The following BMPR1B variants were observed in gnomAD, a reference collection of about 807,000 sequenced individuals.
BMPR1B encodes the protein bone morphogenetic protein receptor type 1B, also known as bone morphogenetic protein receptor type-1B.
Under a neutral mutation model 59.1 loss-of-function variants are expected in BMPR1B, and 12 were observed. The ratio of observed to expected loss-of-function variants is 0.20; its 90% CI spans 0.13 to 0.33. BMPR1B has a LOEUF of 0.33. BMPR1B is among the 10% of genes least tolerant of loss of function. The probability of loss-of-function intolerance (pLI) is 1.00; values close to 1 mark genes in which losing one functional copy is unlikely to be tolerated. For missense variants in BMPR1B, 550 were observed against 610.9 expected (o/e 0.90, Z 1.05); for synonymous variants, 237 against 207.3 (o/e 1.14, Z -1.23).
At chr4:95,032,345 G>T (rs981344138) in intron 3 of BMPR1B, among the ~76,000 whole-genome samples, 1 of 151,974 alleles carries the variant, frequency 6.6e-6, no homozygotes, top group Admixed American at 6.6e-5. Flanking sequence ...CTTCTTATAA[G>T]GACACTAATT....
At chr4:95,115,857 C>G in intron 6 of BMPR1B, 70 bp downstream of exon 6, 3 of 1,370,792 alleles carry the variant, frequency 2.2e-6, no homozygotes, top group Non-Finnish European at 3.1e-6. Flanking sequence ...AAACTAGAAT[C>G]GTTCTCTCTC....
rs1211957737 is a variant in BMPR1B at position 95,155,450 on chromosome 4, C to A, written c.*777C>A. On this transcript the variant is annotated 3_prime_UTR_variant, in exon 13 of 13. Transcript: ENST00000515059. Reference sequence around the variant, plus strand: ...GTTAGGCATCTCTTTCATGGTAAAACCCTTTTCATTAAACACAAAGAAAGC... The same window carrying A: ...GTTAGGCATCTCTTTCATGGTAAAAACCTTTTCATTAAACACAAAGAAAGC... 3 of 134,098 alleles carry A rather than the reference C, an allele frequency of 2.2e-5. No individual in the cohort carries two copies. The highest frequency in any genetic ancestry group is 3.1e-5 in the Non-Finnish European group (2 of 64,892). 8.3% of individuals were successfully genotyped at this position (134,098 alleles called of 1,614,324 possible).
chr4:95,063,867 A>G (rs1727600151), intron 3 of BMPR1B, among the ~76,000 whole-genome samples: 1 of 152,160 alleles, frequency 6.6e-6, no homozygotes, highest in Non-Finnish European at 1.5e-5. Context: ...GCATTCATAG[A>G]GGAGTAATAT....
chr4:94,874,870 G>A (rs1467634397), intron 1 of BMPR1B, among the ~76,000 whole-genome samples: 1 of 152,136 alleles, frequency 6.6e-6, no homozygotes, highest in Non-Finnish European at 1.5e-5. Context: ...GCAGACGCCT[G>A]TAGTCCCAGC....
intron 1 of BMPR1B, among the ~76,000 whole-genome samples, chr4:94,873,825 T>C (rs967868481): frequency 6.6e-6 from 1 of 152,228 alleles, no homozygotes; most frequent in Non-Finnish European, 1.5e-5. Context: ...TTAAGTGCAG[T>C]TCAGCTGTGT....
At chr4:95,108,296 G>A (rs1731337598) in intron 4 of BMPR1B, among the ~76,000 whole-genome samples, 1 of 151,986 alleles carries the variant, frequency 6.6e-6, no homozygotes, top group Non-Finnish European at 1.5e-5. Flanking sequence ...TACCCTTCTA[G>A]GTAAAACAGT....
At chr4:95,091,744 CT>C in intron 3 of BMPR1B, 4 of 875,040 alleles carry the variant, frequency 4.6e-6, no homozygotes, top group Non-Finnish European at 5.5e-6. Flanking sequence ...AGAACTTAGC[CT>C]TTTTTGGCAT....
chr4:95,118,754 G>A (rs970264990), intron 6 of BMPR1B, among the ~76,000 whole-genome samples: 3 of 152,108 alleles, frequency 2.0e-5, no homozygotes, highest in Admixed American at 6.6e-5. Flanking sequence ...TTAGTGCTCC[G>A]AGCACAGGTA....
intron 2 of BMPR1B, among the ~76,000 whole-genome samples, chr4:94,983,044 C>T (rs1004881486): frequency 1.3e-5 from 2 of 151,710 alleles, no homozygotes; most frequent in Non-Finnish European, 2.9e-5. Flanking sequence ...AAAGATTGTT[C>T]TTAACCAAGG....
chr4:95,019,897 G>T (rs918265107), intron 3 of BMPR1B, among the ~76,000 whole-genome samples: 10 of 152,080 alleles, frequency 6.6e-5, no homozygotes, highest in Non-Finnish European at 2.9e-5. Context: ...TTTAATTGGG[G>T]TATATTTTTG....
Position 95,128,101 on chromosome 4 carries a change from G to T in BMPR1B, c.586-1761G>T, listed in dbSNP as rs535458091. Among the ~76,000 whole-genome samples the T allele has an allele frequency of 1.3e-4, 20 of 152,102 alleles. No homozygotes were observed. In the South Asian group the frequency reaches 3.7e-3, roughly 28 times the overall value. On this transcript the variant is annotated intron_variant, in intron 8 of 12. Coordinates refer to ENST00000515059, the MANE Select transcript of BMPR1B (RefSeq NM_001203.3). ...AGTTTTTGCCATGTTGCCCAGGCTG[G>T]TCTTGAACTCCTGGACTCAAGGGAT...
chr4:95,035,612 G>A (rs2149163869), intron 3 of BMPR1B, among the ~76,000 whole-genome samples: 1 of 152,140 alleles, frequency 6.6e-6, no homozygotes, highest in East Asian at 1.9e-4. Flanking sequence ...TTATTTCTGG[G>A]TTCTCTATTC....
intron 2 of BMPR1B, among the ~76,000 whole-genome samples, chr4:94,970,312 C>T (rs6532517): frequency 0.32 from 29,728 of 93,526 alleles, 3,874 homozygotes; most frequent in South Asian, 0.38. Flanking sequence ...TTCTTTCTCT[C>T]TCTCTTTCTC....
chr4:94,760,244 T>G (rs1376038164), intron 1 of BMPR1B, among the ~76,000 whole-genome samples: 4 of 152,202 alleles, frequency 2.6e-5, no homozygotes, highest in African/African-American at 7.2e-5. Context: ...TAGTCTAGGC[T>G]AGGTTGTCTG....
intron 6 of BMPR1B, among the ~76,000 whole-genome samples, chr4:95,120,638 C>CTTCCTTCCTTCCTTCCTTCCTTCCTTCCT (rs1732420884): frequency 6.8e-6 from 1 of 147,902 alleles, no homozygotes; most frequent in Admixed American, 6.8e-5. Flanking sequence ...TCCTTCCTTC[C>CTTCCTTCCTTCCTTCCTTCCTTCCTTCCT]TTCCTTCCTT....
At chr4:95,023,009 C>T (rs1313255660) in intron 3 of BMPR1B, among the ~76,000 whole-genome samples, 1 of 152,118 alleles carries the variant, frequency 6.6e-6, no homozygotes, top group East Asian at 1.9e-4. Flanking sequence ...AGAGGGAAAA[C>T]TTCAGATGGT....
intron 1 of BMPR1B, among the ~76,000 whole-genome samples, chr4:94,847,723 G>T (rs538141531): frequency 6.0e-4 from 91 of 151,802 alleles, no homozygotes; most frequent in African/African-American, 2.1e-3. Context: ...TCATTTGTGG[G>T]AGCTAAAATT....
intron 1 of BMPR1B, among the ~76,000 whole-genome samples, chr4:94,759,758 G>A (rs977960713): frequency 2.6e-5 from 4 of 152,218 alleles, no homozygotes; most frequent in Admixed American, 6.5e-5. Flanking sequence ...TTATAAGGAT[G>A]TTTTGAAGGA....
chr4:94,963,173 T>A (rs1299134306), intron 2 of BMPR1B, among the ~76,000 whole-genome samples: 1 of 152,180 alleles, frequency 6.6e-6, no homozygotes, highest in African/African-American at 2.4e-5. Flanking sequence ...TGGATTATTA[T>A]CATTATCATT....
Sources: gnomAD v4.1 joint callset for allele counts (sites outside exome capture counted in the v4.1 genomes callset) on GRCh38, gnomAD v4.1.1 for gene constraint, MANE v1.5 for transcripts, NCBI Gene and HGNC (gene_info 2026-07-23, HGNC 2026-07-21) for gene names.